The following PTPRO variants were observed in gnomAD, a reference collection of about 807,000 sequenced individuals.
PTPRO encodes receptor-type tyrosine-protein phosphatase O.
A neutral mutation model predicts 145.2 loss-of-function variants in PTPRO; 62 were observed. That is an observed-to-expected ratio of 0.43 (90% CI 0.35 to 0.53). PTPRO has a LOEUF of 0.53. Among genes scored for constraint, PTPRO ranks in the 20% least tolerant of loss-of-function variants. The probability of loss-of-function intolerance (pLI) is 0.01; values close to 1 mark genes in which losing one functional copy is unlikely to be tolerated. For synonymous variants in PTPRO, 565 were observed against 514.7 expected (o/e 1.10, Z -1.32); for missense variants, 1,345 against 1,482.7 (o/e 0.91, Z 1.53).
At chr12:15,375,615 G>A (rs905004172) in intron 1 of PTPRO, among the ~76,000 whole-genome samples, 1 of 151,810 alleles carries the variant, frequency 6.6e-6, no homozygotes, top group Non-Finnish European at 1.5e-5. Flanking sequence ...AATTAGCCAG[G>A]CACGGTGGTG....
At chr12:15,520,953 C>T (rs1227926564) in intron 10 of PTPRO, among the ~76,000 whole-genome samples, 1 of 152,038 alleles carries the variant, frequency 6.6e-6, no homozygotes, top group Non-Finnish European at 1.5e-5. Flanking sequence ...AAAGTTTAAG[C>T]ACTTAAAAAA....
intron 2 of PTPRO, among the ~76,000 whole-genome samples, chr12:15,487,398 T>C (rs1195357258): frequency 6.6e-6 from 1 of 152,140 alleles, no homozygotes; most frequent in African/African-American, 2.4e-5. Context: ...CGTCTTTTGT[T>C]TCTATTCATC....
chr12:15,327,718 G>T (rs955476141), intron 1 of PTPRO, among the ~76,000 whole-genome samples: 5 of 152,134 alleles, frequency 3.3e-5, no homozygotes, highest in African/African-American at 1.2e-4. Context: ...CCCAAACAAG[G>T]TTAATGTGGC....
intron 11 of PTPRO, 91 bp downstream of exon 11, chr12:15,525,056 A>C: frequency 6.8e-7 from 1 of 1,468,124 alleles, no homozygotes; most frequent in Non-Finnish European, 9.4e-7. Flanking sequence ...TTGACACGTC[A>C]AATGTTTGCA....
chr12:15,406,583 T>TC (rs1458101056), intron 1 of PTPRO, among the ~76,000 whole-genome samples: 2 of 152,230 alleles, frequency 1.3e-5, no homozygotes, highest in African/African-American at 2.4e-5. Context: ...TGCATTTTTT[T>TC]CTCTAATGGA....
intron 7 of PTPRO, among the ~76,000 whole-genome samples, chr12:15,514,896 G>A (rs1187948098): frequency 6.6e-6 from 1 of 152,068 alleles, no homozygotes; most frequent in Non-Finnish European, 1.5e-5. Context: ...CTGAGTAGCT[G>A]AGATTACAGG....
chr12:15,386,809 A>G (rs1939043036), intron 1 of PTPRO, among the ~76,000 whole-genome samples: 1 of 152,200 alleles, frequency 6.6e-6, no homozygotes, highest in Admixed American at 6.5e-5. Context: ...AATGATGCTC[A>G]ATAGTTAATT....
chr12:15,338,980 A>T (rs1190428309), intron 1 of PTPRO, among the ~76,000 whole-genome samples: 1 of 152,188 alleles, frequency 6.6e-6, no homozygotes, highest in Non-Finnish European at 1.5e-5. Context: ...ACAAGTGAAA[A>T]TAACAAACAT....
intron 2 of PTPRO, among the ~76,000 whole-genome samples, chr12:15,493,722 C>A (rs1175300137): frequency 6.6e-6 from 1 of 152,148 alleles, no homozygotes; most frequent in African/African-American, 2.4e-5. Flanking sequence ...TAATCTATTT[C>A]TAATCTAATT....
chr12:15,576,957 A>G (rs904020295), intron 19 of PTPRO, among the ~76,000 whole-genome samples: 1 of 152,186 alleles, frequency 6.6e-6, no homozygotes, highest in African/African-American at 2.4e-5. Context: ...TATAACTACC[A>G]AAAGGAACTA....
At chr12:15,576,239 T>C (rs780819843) in intron 19 of PTPRO, among the ~76,000 whole-genome samples, 1 of 152,232 alleles carries the variant, frequency 6.6e-6, no homozygotes, top group Non-Finnish European at 1.5e-5. Flanking sequence ...CTTAATATTT[T>C]ATTTTCCACT....
Position 15,589,512 on chromosome 12 carries a change from T to A in PTPRO, c.3468T>A (p.Ile1156=), listed in dbSNP as rs1006823869. 1 of 1,614,028 alleles carries A rather than the reference T, an allele frequency of 6.2e-7. No homozygotes were observed. The highest frequency in any genetic ancestry group is 8.5e-7 in the Non-Finnish European group (1 of 1,180,014). The change falls in exon 25 of 27, where the codon ATT becomes ATA. Residue 1156 remains isoleucine, a synonymous_variant. Coordinates refer to ENST00000281171, the MANE Select transcript of PTPRO (RefSeq NM_030667.3). The part of the protein sequence containing the change: ...FIALDRLLQH[I]RDHEFVDILG... Reference sequence around the variant, plus strand: ...CCCTGGACAGGCTCTTGCAGCACATTCGGGATCATGAGTTTGTTGACATCT... The same window carrying A: ...CCCTGGACAGGCTCTTGCAGCACATACGGGATCATGAGTTTGTTGACATCT...
intron 1 of PTPRO, among the ~76,000 whole-genome samples, chr12:15,398,028 G>A (rs902760931): frequency 6.6e-6 from 1 of 152,070 alleles, no homozygotes; most frequent in Non-Finnish European, 1.5e-5. Context: ...CCAAAACAGG[G>A]GCATGAGGCG....
chr12:15,427,082 G>A (rs116858860), intron 1 of PTPRO, among the ~76,000 whole-genome samples: 25 of 152,018 alleles, frequency 1.6e-4, no homozygotes, highest in African/African-American at 5.5e-4. Context: ...TTTAACTCCC[G>A]GACAAGCTGT....
chr12:15,495,656 C>T (rs540589436), intron 2 of PTPRO, among the ~76,000 whole-genome samples: 1 of 151,852 alleles, frequency 6.6e-6, no homozygotes, highest in African/African-American at 2.4e-5. Flanking sequence ...CCTGGAAACA[C>T]CAACTCCAAA....
At chr12:15,428,983 A>G (rs1419390349) in intron 1 of PTPRO, among the ~76,000 whole-genome samples, 2 of 152,208 alleles carry the variant, frequency 1.3e-5, no homozygotes, top group African/African-American at 2.4e-5. Context: ...ATATCTAGCT[A>G]CAAGGAAAAC....
rs1938767039 is a variant in PTPRO, at chr12:15,378,827, A to T, written c.75+56026A>T. Among the ~76,000 whole-genome samples, 3 of 152,216 alleles carry T rather than the reference A, an allele frequency of 2.0e-5. 1 individual carries two copies. In the South Asian group the frequency reaches 6.2e-4, roughly 31 times the overall value. On this transcript the variant is annotated intron_variant, in intron 1 of 26. Transcript: ENST00000281171. ...AGAATCTGTATCTTGAATATGTAAA[A>T]GACTTAATAACTCAGTAACAAAAAG... is the stretch of plus-strand genomic sequence containing the variant.
At chr12:15,370,944 C>T (rs1244651843) in intron 1 of PTPRO, among the ~76,000 whole-genome samples, 1 of 152,058 alleles carries the variant, frequency 6.6e-6, no homozygotes, top group Non-Finnish European at 1.5e-5. Context: ...CTTTGCAAAG[C>T]AGAACAGTAA....
chr12:15,384,308 G>A (rs1938954831), intron 1 of PTPRO, among the ~76,000 whole-genome samples: 1 of 152,102 alleles, frequency 6.6e-6, no homozygotes, highest in Non-Finnish European at 1.5e-5. Context: ...AAATTTTTAT[G>A]TGTATTACAA....
Sources: gnomAD v4.1 joint callset for allele counts (sites outside exome capture counted in the v4.1 genomes callset) on GRCh38, gnomAD v4.1.1 for gene constraint, MANE v1.5 for transcripts, NCBI Gene and HGNC (gene_info 2026-07-23, HGNC 2026-07-21) for gene names.